The following HIVEP3 variants were observed in gnomAD, a reference collection of about 807,000 sequenced individuals.
The protein encoded by HIVEP3 is HIVEP zinc finger 3.
Under a neutral mutation model 152.8 loss-of-function variants are expected in HIVEP3, and 49 were observed. The ratio of observed to expected loss-of-function variants is 0.32; its 90% CI spans 0.26 to 0.41. HIVEP3 has a LOEUF of 0.41. Among genes scored for constraint, HIVEP3 ranks in the 10% least tolerant of loss-of-function variants. The pLI is 1.00. For synonymous variants in HIVEP3, 1,269 were observed against 1,289.0 expected, an observed-to-expected ratio of 0.98 and a Z score of 0.33; for missense variants, 2,790 against 3,103.3, an observed-to-expected ratio of 0.90 and a Z score of 2.40.
chr1:41,555,389 C>T (rs768893079), intron 5 of HIVEP3, among the ~76,000 whole-genome samples: 6 of 152,212 alleles, frequency 3.9e-5, no homozygotes, highest in South Asian at 2.1e-4. Context: ...CGATTTTCCA[C>T]GTACAGTCTG....
intron 1 of HIVEP3, among the ~76,000 whole-genome samples, chr1:41,740,007 C>A (rs1304481417): frequency 6.6e-6 from 1 of 152,216 alleles, no homozygotes; most frequent in Non-Finnish European, 1.5e-5. Flanking sequence ...TTGTCTATCC[C>A]CATTTTAGAG....
intron 5 of HIVEP3, among the ~76,000 whole-genome samples, chr1:41,551,560 G>A (rs1312207731): frequency 2.0e-5 from 3 of 152,172 alleles, no homozygotes; most frequent in Non-Finnish European, 4.4e-5. Context: ...TTCAGAGCCT[G>A]TTATTGGTCT....
rs569000562 is a variant in HIVEP3, at chr1:41,810,005, G to A, written c.-801+108408C>T. On this transcript the variant is annotated intron_variant, in intron 1 of 8. Transcript: ENST00000372583. Reference sequence around the variant, plus strand: ...ACATGCACACACCAGATGCATGTGGGTGCAGCTGCCCAAATTGCAGCCAGT... The same window carrying A: ...ACATGCACACACCAGATGCATGTGGATGCAGCTGCCCAAATTGCAGCCAGT... Among the ~76,000 whole-genome samples, 5 of 152,272 alleles carry A rather than the reference G, an allele frequency of 3.3e-5. No homozygotes were observed. The South Asian group carries it at 1.0e-3, about 32-fold the overall frequency.
At chr1:41,629,093 TC>T (rs1645158193) in intron 2 of HIVEP3, 146 bp from the exon 3 acceptor site, 3 of 407,818 alleles carry the variant, frequency 7.4e-6, no homozygotes, top group Non-Finnish European at 1.2e-5. Flanking sequence ...GATCCCCACA[TC>T]CCCCTACTTT....
At chr1:41,957,988 G>A (rs1370626099) in intron 1 of HIVEP3, among the ~76,000 whole-genome samples, 1 of 152,204 alleles carries the variant, frequency 6.6e-6, no homozygotes, top group Non-Finnish European at 1.5e-5. Context: ...AAGTGTAGAA[G>A]AGGCAATGTG....
At chr1:41,638,983 A>G (rs1645329880) in intron 2 of HIVEP3, among the ~76,000 whole-genome samples, 1 of 152,214 alleles carries the variant, frequency 6.6e-6, no homozygotes, top group Non-Finnish European at 1.5e-5. Flanking sequence ...AAGAAAGTGG[A>G]GAAGAAGGCT....
chr1:41,785,518 T>C (rs934837079), intron 1 of HIVEP3, among the ~76,000 whole-genome samples: 1 of 152,186 alleles, frequency 6.6e-6, no homozygotes, highest in African/African-American at 2.4e-5. Context: ...GGAATAGTGG[T>C]TAAATAAATT....
intron 1 of HIVEP3, among the ~76,000 whole-genome samples, chr1:42,015,367 C>A (rs1645516035): frequency 6.6e-6 from 1 of 152,184 alleles, no homozygotes; most frequent in Admixed American, 6.5e-5. Flanking sequence ...CAGTGAGTGC[C>A]AAAGCCTCTG....
intron 1 of HIVEP3, among the ~76,000 whole-genome samples, chr1:41,966,632 C>T (rs1358005365): frequency 6.7e-6 from 1 of 149,422 alleles, no homozygotes; most frequent in Non-Finnish European, 1.5e-5. Flanking sequence ...CATCACCGTG[C>T]CCAGCTAATT....
intron 2 of HIVEP3, among the ~76,000 whole-genome samples, chr1:41,643,087 C>T (rs556452122): frequency 4.6e-5 from 7 of 152,312 alleles, no homozygotes; most frequent in African/African-American, 1.4e-4. Context: ...GCTTCAGCAT[C>T]CTTGCCTCCT....
At chr1:41,922,752 A>G (rs1644947803), upstream of HIVEP3, among the ~76,000 whole-genome samples, 1 of 152,094 alleles carries the variant, frequency 6.6e-6, no homozygotes, top group Non-Finnish European at 1.5e-5. Context: ...TAACAAAAAA[A>G]TAGAAAATCT....
chr1:41,865,855 G>A (rs749997447), intron 1 of HIVEP3, among the ~76,000 whole-genome samples: 2 of 152,144 alleles, frequency 1.3e-5, no homozygotes, highest in Non-Finnish European at 2.9e-5. Flanking sequence ...TCCATTACAC[G>A]TAGCTTTGGG....
At position 41,581,057 on chromosome 1, in the gene HIVEP3, T is replaced by G; in HGVS notation, c.3741A>C (p.Ala1247=). The G allele has an allele frequency of 6.4e-7, 1 of 1,557,854 alleles. No homozygotes were observed. Among genetic ancestry groups the G allele is most frequent in the South Asian group, 1.2e-5 (1 of 81,116 alleles). ...TTTCCACATCACCAGGGAGCTGAAGTGCAAACTGGGATTGCAGAGGCAGGA... is the reference window on the plus strand; with the variant it reads ...TTTCCACATCACCAGGGAGCTGAAGGGCAAACTGGGATTGCAGAGGCAGGA... ...GFFLPLQSQF[A]LQLPGDVESH... The change falls in exon 4 of 9, where the codon GCA becomes GCC. Residue 1247 remains alanine, a synonymous_variant. Transcript: ENST00000372583. The surrounding 1 kb of genome is among the most constrained non-coding windows in gnomAD (Gnocchi z 4.5).
chr1:42,027,796 G>T (rs1327913942), intron 1 of HIVEP3, among the ~76,000 whole-genome samples: 1 of 152,194 alleles, frequency 6.6e-6, no homozygotes, highest in African/African-American at 2.4e-5. Flanking sequence ...AAATGAGGAA[G>T]AAGCAAAAGC....
At chr1:41,771,535 C>T (rs544292056) in intron 1 of HIVEP3, among the ~76,000 whole-genome samples, 1 of 152,324 alleles carries the variant, frequency 6.6e-6, no homozygotes, top group African/African-American at 2.4e-5. Context: ...GTGTCTACCC[C>T]TCCTTGCTGG....
intron 2 of HIVEP3, among the ~76,000 whole-genome samples, chr1:41,689,203 TG>T (rs1298212062): frequency 1.3e-5 from 2 of 152,114 alleles, no homozygotes; most frequent in East Asian, 3.8e-4. Flanking sequence ...CCTGGTAGAG[TG>T]GTTCTCTCTC....
chr1:42,021,108 T>G (rs2124535111), intron 1 of HIVEP3, among the ~76,000 whole-genome samples: 1 of 152,294 alleles, frequency 6.6e-6, no homozygotes, highest in Admixed American at 6.5e-5. Flanking sequence ...GCAAGTAACA[T>G]GATCTGACTT....
chr1:41,702,407 T>A (rs1013060201), intron 1 of HIVEP3, among the ~76,000 whole-genome samples: 1 of 152,208 alleles, frequency 6.6e-6, no homozygotes, highest in Admixed American at 6.5e-5. Context: ...TTTTCTTTCT[T>A]TGGTTCATGC....
chr1:41,840,111 G>A (rs1429553099), intron 1 of HIVEP3, among the ~76,000 whole-genome samples: 5 of 152,102 alleles, frequency 3.3e-5, no homozygotes, highest in African/African-American at 1.2e-4. Flanking sequence ...CTCCTTTTAT[G>A]AATCAGTTTG....
Sources: allele counts gnomAD v4.1 joint callset (sites outside exome capture counted in the v4.1 genomes callset), GRCh38; gene constraint gnomAD v4.1.1; non-coding constraint Gnocchi (gnomAD v3.1); transcripts MANE v1.5; gene names NCBI Gene and HGNC (gene_info 2026-07-23, HGNC 2026-07-21).